TMED8: variants seen among roughly 807,000 people sequenced by gnomAD.
TMED8 encodes protein TMED8.
In TMED8, 15 loss-of-function variants were observed where a neutral mutation model predicts 32.7. The observed-to-expected ratio is 0.46, with a 90% CI of 0.31 to 0.71. The LOEUF is 0.71. Ranked by LOEUF, TMED8 falls within the 30% of genes least tolerant of loss-of-function variation. The pLI, the probability that TMED8 is intolerant of heterozygous loss-of-function variation, is 0.06. For missense variants in TMED8, 390 were observed against 423.9 expected, an observed-to-expected ratio of 0.92 and a Z score of 0.70; for synonymous variants, 147 against 161.4, an observed-to-expected ratio of 0.91 and a Z score of 0.68.
intron 1 of TMED8, among the ~76,000 whole-genome samples, chr14:77,353,553 C>A (rs892582668): frequency 1.3e-5 from 2 of 150,656 alleles, no homozygotes; most frequent in African/African-American, 4.9e-5. Context: ...CAGGTTCAAG[C>A]GATCCTCTCA....
At chr14:77,367,276 A>G (rs1484309074) in intron 1 of TMED8, among the ~76,000 whole-genome samples, 1 of 151,340 alleles carries the variant, frequency 6.6e-6, no homozygotes, top group Non-Finnish European at 1.5e-5. Flanking sequence ...AACTTTTTAA[A>G]TCTTTTCTAT....
intron 2 of TMED8, among the ~76,000 whole-genome samples, chr14:77,349,898 C>T (rs1056834723): frequency 1.3e-5 from 2 of 152,214 alleles, no homozygotes; most frequent in African/African-American, 4.8e-5. Flanking sequence ...GAGAGATTTG[C>T]ATTTGCTTCT....
intron 1 of TMED8, among the ~76,000 whole-genome samples, chr14:77,358,427 T>C (rs1893348509): frequency 6.6e-6 from 1 of 152,032 alleles, no homozygotes; most frequent in Admixed American, 6.6e-5. Flanking sequence ...GCCTCCTGAG[T>C]AGCTAGGATT....
At chr14:77,372,906 T>TTTATATATATATA (rs1227686477) in intron 1 of TMED8, among the ~76,000 whole-genome samples, 2 of 35,332 alleles carry the variant, frequency 5.7e-5, no homozygotes, top group Non-Finnish European at 1.0e-4. Context: ...GCCACAGATA[T>TTTATATATATATA]TATATATATA....
At chr14:77,367,284 TA>T (rs1311858500) in intron 1 of TMED8, among the ~76,000 whole-genome samples, 1 of 150,172 alleles carries the variant, frequency 6.7e-6, no homozygotes, top group African/African-American at 2.4e-5. Context: ...AAATCTTTTC[TA>T]TTGTGAAATA....
At chr14:77,343,505 C>A (rs199702790) in intron 4 of TMED8, 22 bp from the exon 5 acceptor site, 2 of 1,609,180 alleles carry the variant, frequency 1.2e-6, no homozygotes, top group Non-Finnish European at 1.7e-6. Context: ...AGCAGCTTAG[C>A]ACTGAGAAAC....
At chr14:77,370,654 C>T in intron 1 of TMED8, among the ~76,000 whole-genome samples, 1 of 152,000 alleles carries the variant, frequency 6.6e-6, no homozygotes, top group Admixed American at 6.6e-5. Context: ...TGAAAAATTT[C>T]CTCCCATGTC....
chr14:77,358,701 C>T (rs910663839), intron 1 of TMED8, among the ~76,000 whole-genome samples: 3 of 152,148 alleles, frequency 2.0e-5, no homozygotes, highest in Non-Finnish European at 4.4e-5. Context: ...TACATATTTG[C>T]TTTCTTCTAC....
At chr14:77,351,087 G>A (rs1893164008) in intron 2 of TMED8, among the ~76,000 whole-genome samples, 2 of 152,158 alleles carry the variant, frequency 1.3e-5, no homozygotes, top group South Asian at 4.1e-4. Flanking sequence ...AGAAAGTTGT[G>A]CCGTTTCCAT....
chr14:77,359,504 A>T, intron 1 of TMED8: 1 of 318,716 alleles, frequency 3.1e-6, no homozygotes, highest in Non-Finnish European at 6.1e-6. Context: ...TACCCAGGAC[A>T]ACCTACAACG....
chr14:77,354,010 T>C (rs1223267264), intron 1 of TMED8, among the ~76,000 whole-genome samples: 2 of 152,336 alleles, frequency 1.3e-5, no homozygotes, highest in Admixed American at 1.3e-4. Context: ...TATTGACAGC[T>C]GGCTGTCACA....
intron 5 of TMED8, among the ~76,000 whole-genome samples, chr14:77,342,315 C>T (rs1892922501): frequency 6.6e-6 from 1 of 152,098 alleles, no homozygotes; most frequent in African/African-American, 2.4e-5. Context: ...CTGGACATTT[C>T]TGAGAGGGAG....
chr14:77,342,180 G>A (rs1892919529), intron 5 of TMED8, among the ~76,000 whole-genome samples, 192 bp from the exon 6 acceptor site: 1 of 152,044 alleles, frequency 6.6e-6, no homozygotes, highest in South Asian at 2.1e-4. Context: ...AGTACCCAAG[G>A]GTCCAGGAGT....
rs151200040 is a variant in TMED8, at chr14:77,339,632, G to C, written c.*2139C>G. On this transcript the variant is annotated 3_prime_UTR_variant, in exon 6 of 6. Transcript: ENST00000216468. ...GATTCAACTTCAATGATGCAAGAGC[G>C]GTCACTCAGCTATCCAATGGGATGA... is the stretch of plus-strand genomic sequence containing the variant. 1.8e-4 allele frequency: 27 copies of C among 152,282 alleles called. No individual in the cohort carries two copies. The highest frequency in any genetic ancestry group is 6.0e-4 in the African/African-American group (25 of 41,558). The allele number at this position is 152,282 out of a possible 1,614,324, so 9.4% of individuals were successfully genotyped here.
Position 77,376,739 on chromosome 14 carries a change from G to C in TMED8, c.118+197C>G. The C allele has an allele frequency of 2.8e-6, 1 of 354,142 alleles. No homozygotes were observed. The highest frequency in any genetic ancestry group is 5.0e-6 in the Non-Finnish European group (1 of 198,036). 21.9% of individuals were successfully genotyped at this position (354,142 alleles called of 1,614,324 possible). On this transcript the variant is annotated intron_variant, in intron 1 of 5. Transcript: ENST00000216468. The surrounding 1 kb of genome is among the most constrained non-coding windows in gnomAD (Gnocchi z 4.0). The stretch of plus-strand genomic sequence containing the variant: ...CAGGAATCAAGGCATTTCGAAACAG[G>C]AGTGAGTAGAAAATAACCTCGAGCC...
At position 77,346,394 on chromosome 14, in the gene TMED8, C is replaced by G; in HGVS notation, c.282G>C (p.Val94=). ...ATGPLEAQAL[V]KQDLLPADQA... is the part of the protein sequence containing the mutation. ...GGTCTGCAGGCAGCAAATCCTGTTTCACCAAGGCCTGAGCCTCCAAAGGAC... is the reference window on the plus strand; with the variant it reads ...GGTCTGCAGGCAGCAAATCCTGTTTGACCAAGGCCTGAGCCTCCAAAGGAC... The change falls in exon 3 of 6, where the codon GTG becomes GTC. Residue 94 remains valine (V), a synonymous_variant. Coordinates refer to ENST00000216468, the MANE Select transcript of TMED8 (RefSeq NM_213601.3). 3 of 1,614,172 alleles carry G rather than the reference C, an allele frequency of 1.9e-6. No homozygotes were observed. The highest frequency in any genetic ancestry group is 2.5e-6 in the Non-Finnish European group (3 of 1,180,026).
In TMED8 at chr14:77,340,630, G is replaced by A. The variant is rs1014725950; in HGVS notation, c.*1141C>T. ...CAGGGGTGACACAGTAGGAAATGCT[G>A]TCACCAGGGAAATGCAAGCTTTGGT... is the stretch of plus-strand genomic sequence containing the variant. On this transcript the variant is annotated 3_prime_UTR_variant, in exon 6 of 6. Coordinates refer to ENST00000216468, the MANE Select transcript of TMED8 (RefSeq NM_213601.3). 1 of 152,218 alleles carries A rather than the reference G, an allele frequency of 6.6e-6. No individual in the cohort carries two copies. Among genetic ancestry groups the A allele is most frequent in the East Asian group, 1.9e-4 (1 of 5,186 alleles). The allele number at this position is 152,218 out of a possible 1,614,324, so 9.4% of individuals were successfully genotyped here. A position where few individuals can be genotyped will look rare whatever the true frequency, so the allele number is the denominator to read the frequency against.
chr14:77,342,569 A>T (rs1398813971), intron 5 of TMED8, among the ~76,000 whole-genome samples: 7 of 152,216 alleles, frequency 4.6e-5, no homozygotes, highest in Non-Finnish European at 8.8e-5. Flanking sequence ...AAATCAAGGA[A>T]TAAGAGGAAT....
chr14:77,344,351 C>T (rs1002013965), intron 3 of TMED8, among the ~76,000 whole-genome samples: 4 of 152,228 alleles, frequency 2.6e-5, no homozygotes. Context: ...GTCTTTCTCT[C>T]TCATCCACAG....
Sources: allele counts gnomAD v4.1 joint callset (sites outside exome capture counted in the v4.1 genomes callset), GRCh38; gene constraint gnomAD v4.1.1; non-coding constraint Gnocchi (gnomAD v3.1); transcripts MANE v1.5; gene names NCBI Gene and HGNC (gene_info 2026-07-23, HGNC 2026-07-21).